The following PLPPR5 variants were observed in gnomAD, a reference collection of about 807,000 sequenced individuals.
PLPPR5 encodes the protein phospholipid phosphatase-related protein type 5.
In PLPPR5, 16 loss-of-function variants were observed where a neutral mutation model predicts 33.9. The ratio of observed to expected loss-of-function variants is 0.47; its 90% confidence interval spans 0.32 to 0.72. The LOEUF is 0.72. PLPPR5 is among the 30% of genes least tolerant of loss of function. The pLI is 0.03. For synonymous variants in PLPPR5, 163 were observed against 150.3 expected, an observed-to-expected ratio of 1.08 and a Z score of -0.62; for missense variants, 301 against 406.7, an observed-to-expected ratio of 0.74 and a Z score of 2.23.
chr1:98,910,631 T>C (rs1460210938), intron 5 of PLPPR5, among the ~76,000 whole-genome samples: 3 of 152,114 alleles, frequency 2.0e-5, no homozygotes, highest in African/African-American at 7.2e-5. Flanking sequence ...ATTATTTCAG[T>C]TCAGGGTAGC....
At chr1:98,972,898 T>C (rs1455604470) in intron 1 of PLPPR5, among the ~76,000 whole-genome samples, 2 of 152,102 alleles carry the variant, frequency 1.3e-5, no homozygotes, top group African/African-American at 4.8e-5. Context: ...AGTTTATTTC[T>C]TTTAAAGGGA....
intron 3 of PLPPR5, among the ~76,000 whole-genome samples, chr1:98,935,178 G>A (rs1461431590): frequency 6.6e-6 from 1 of 152,182 alleles, no homozygotes; most frequent in African/African-American, 2.4e-5. Context: ...ACAAGATAGT[G>A]ACAGCAGAGC....
chr1:98,946,284 C>G (rs1244855356), intron 3 of PLPPR5, among the ~76,000 whole-genome samples: 1 of 152,162 alleles, frequency 6.6e-6, no homozygotes, highest in Non-Finnish European at 1.5e-5. Context: ...TTTATGCATT[C>G]TAGGTATTCA....
chr1:98,978,162 T>C (rs1651927945), intron 1 of PLPPR5, among the ~76,000 whole-genome samples: 1 of 152,020 alleles, frequency 6.6e-6, no homozygotes, highest in Non-Finnish European at 1.5e-5. Flanking sequence ...TTTGTATCAC[T>C]AGACCTCTGC....
At chr1:98,941,923 C>T (rs917580161) in intron 3 of PLPPR5, among the ~76,000 whole-genome samples, 19 of 151,240 alleles carry the variant, frequency 1.3e-4, no homozygotes, top group African/African-American at 4.4e-4. Flanking sequence ...GAAATCTCCT[C>T]GATTTAAATG....
At chr1:99,005,175 G>A (rs1483328035), upstream of PLPPR5, 3 of 151,898 alleles carry the variant, frequency 2.0e-5, no homozygotes, top group South Asian at 2.1e-4. Flanking sequence ...CAAAAGGGGG[G>A]GAGGGGAGGC....
intron 5 of PLPPR5, among the ~76,000 whole-genome samples, chr1:98,895,821 AG>A (rs1648449618): frequency 6.6e-6 from 1 of 151,984 alleles, no homozygotes; most frequent in African/African-American, 2.4e-5. Context: ...AGGTAGTTGT[AG>A]TTAGCAGACA....
intron 3 of PLPPR5, among the ~76,000 whole-genome samples, chr1:98,935,119 C>A (rs1650129274): frequency 1.3e-5 from 2 of 151,964 alleles, no homozygotes; most frequent in Non-Finnish European, 2.9e-5. Context: ...GGGTCCAGTG[C>A]AAAATGAAAA....
intron 3 of PLPPR5, among the ~76,000 whole-genome samples, chr1:98,923,469 T>C (rs1481080027): frequency 6.6e-6 from 1 of 152,206 alleles, no homozygotes; most frequent in Non-Finnish European, 1.5e-5. Flanking sequence ...TTTAAGTTTT[T>C]AGTTCATACC....
In PLPPR5 at chr1:99,004,811, C is replaced by A; in HGVS notation, c.-140G>T. 1 of 390,450 alleles carries A rather than the reference C, an allele frequency of 2.6e-6. No individual in the cohort carries two copies. Among genetic ancestry groups the A allele is most frequent in the South Asian group, 1.2e-4 (1 of 8,116 alleles). The allele number at this position is 390,450 out of a possible 1,614,324, so 24.2% of individuals were successfully genotyped here. On this transcript the variant is annotated 5_prime_UTR_variant, in exon 1 of 6. Transcript: ENST00000263177. The stretch of plus-strand genomic sequence containing the variant: ...CGAGGCACGGGAGGCGGGATGGAGC[C>A]GCTGGAGGAAGAGGCGGAGGCAGGT...
intron 1 of PLPPR5, among the ~76,000 whole-genome samples, chr1:98,963,019 C>A (rs886587218): frequency 6.6e-6 from 1 of 152,160 alleles, no homozygotes; most frequent in Non-Finnish European, 1.5e-5. Flanking sequence ...CATAAGAGAT[C>A]ATTTACTGCT....
intron 4 of PLPPR5, among the ~76,000 whole-genome samples, chr1:98,918,610 G>A (rs568963763): frequency 2.4e-4 from 37 of 152,280 alleles, no homozygotes; most frequent in African/African-American, 8.7e-4. Flanking sequence ...AGGACAGACT[G>A]AAAGAGTGGT....
chr1:98,924,107 C>T (rs2391978), intron 3 of PLPPR5, among the ~76,000 whole-genome samples: 108,968 of 152,128 alleles, frequency 0.72, 39,534 homozygotes, highest in East Asian at 0.8. Context: ...TTGAATAATA[C>T]TAATACTGCT....
chr1:99,000,703 T>C (rs749594864), intron 1 of PLPPR5, among the ~76,000 whole-genome samples: 1 of 152,236 alleles, frequency 6.6e-6, no homozygotes, highest in Non-Finnish European at 1.5e-5. Context: ...CCTCCTCTTC[T>C]GAACCACTAG....
chr1:98,917,001 T>G (rs1649381065), intron 4 of PLPPR5, among the ~76,000 whole-genome samples: 1 of 152,168 alleles, frequency 6.6e-6, no homozygotes, highest in African/African-American at 2.4e-5. Flanking sequence ...AATAGATCAC[T>G]AAGTTAACGT....
chr1:98,979,325 G>A (rs962931546), intron 1 of PLPPR5, among the ~76,000 whole-genome samples: 2 of 152,006 alleles, frequency 1.3e-5, no homozygotes, highest in Non-Finnish European at 2.9e-5. Context: ...CTACTGTTTT[G>A]GTTGCATGAC....
chr1:98,960,375 T>G (rs1197758682), intron 1 of PLPPR5, among the ~76,000 whole-genome samples: 1 of 152,122 alleles, frequency 6.6e-6, no homozygotes, highest in East Asian at 1.9e-4. Flanking sequence ...GGTTAATTTT[T>G]GTATTTTTAG....
intron 4 of PLPPR5, among the ~76,000 whole-genome samples, chr1:98,918,505 A>ATTTTGTATGTATTTT (rs1557668715): frequency 6.6e-6 from 1 of 151,932 alleles, no homozygotes; most frequent in Non-Finnish European, 1.5e-5. Flanking sequence ...TATTTTGCTA[A>ATTTTGTATGTATTTT]GTATGGTGAT....
intron 5 of PLPPR5, among the ~76,000 whole-genome samples, chr1:98,908,147 G>A (rs1648976465): frequency 6.6e-6 from 1 of 152,168 alleles, no homozygotes; most frequent in Non-Finnish European, 1.5e-5. Flanking sequence ...GTTAGAGATT[G>A]CTCCTAGCTG....
Sources: gnomAD v4.1 joint callset for allele counts (sites outside exome capture counted in the v4.1 genomes callset) on GRCh38, gnomAD v4.1.1 for gene constraint, MANE v1.5 for transcripts, NCBI Gene and HGNC (gene_info 2026-07-23, HGNC 2026-07-21) for gene names.